The following PAH variants were observed in gnomAD, a reference collection of about 807,000 sequenced individuals.
The protein encoded by PAH is phenylalanine-4-hydroxylase.
A neutral mutation model predicts 62.0 loss-of-function variants in PAH; 64 were observed. The observed-to-expected ratio is 1.03, with a 90% CI of 0.84 to 1.27. The LOEUF (loss-of-function observed/expected upper bound fraction) is 1.27, where lower values mean the gene tolerates loss of function less well. Ranked by LOEUF, PAH falls within the 50% of genes most tolerant of loss-of-function variation. The pLI is 0.00. For missense variants in PAH, 579 were observed against 542.8 expected, an observed-to-expected ratio of 1.07 and a Z score of -0.66; for synonymous variants, 195 against 196.2, an observed-to-expected ratio of 0.99 and a Z score of 0.05.
chr12:102,913,127 C>T (rs2136728686), intron 1 of PAH, among the ~76,000 whole-genome samples: 1 of 152,288 alleles, frequency 6.6e-6, no homozygotes, highest in South Asian at 2.1e-4. Flanking sequence ...CTTAAGGAAT[C>T]TTCAATTATT....
In PAH at chr12:102,870,750, G is replaced by C. The variant is rs113676632; in HGVS notation, c.442-4087C>G. On this transcript the variant is annotated intron_variant, in intron 4 of 12. Transcript: ENST00000553106. ...GAAGGATGGAACACAGAAGACAAAA[G>C]GTTCAAACTGGCATTTATTAAGTAG... 9.7e-4 allele frequency among the ~76,000 whole-genome samples: 147 copies of C among 152,248 alleles called. 1 individual carries two copies. Among genetic ancestry groups the C allele is most frequent in the African/African-American group, 3.4e-3 (141 of 41,552 alleles).
intron 5 of PAH, among the ~76,000 whole-genome samples, chr12:102,855,921 G>A (rs1025168349): frequency 6.6e-6 from 1 of 151,396 alleles, no homozygotes; most frequent in Non-Finnish European, 1.5e-5. Flanking sequence ...AGTTATAAAG[G>A]TATTTAAATA....
chr12:102,845,461 A>G (rs1330791045), intron 9 of PAH, among the ~76,000 whole-genome samples: 2 of 152,194 alleles, frequency 1.3e-5, no homozygotes, highest in Non-Finnish European at 2.9e-5. Flanking sequence ...CATCCATGCT[A>G]AAACTTGGGG....
intron 1 of PAH, among the ~76,000 whole-genome samples, chr12:102,926,305 A>G (rs1440328441): frequency 4.6e-5 from 7 of 152,062 alleles, no homozygotes; most frequent in Non-Finnish European, 7.4e-5. Context: ...AAAGGCTCCA[A>G]ATGCAAAGAG....
At chr12:102,858,112 A>C (rs913613930) in intron 5 of PAH, among the ~76,000 whole-genome samples, 2 of 152,198 alleles carry the variant, frequency 1.3e-5, no homozygotes, top group African/African-American at 4.8e-5. Context: ...ATAGGCCCAA[A>C]ATAAAGGGAT....
chr12:102,927,428 A>G (rs1263963933), intron 1 of PAH, among the ~76,000 whole-genome samples: 1 of 151,972 alleles, frequency 6.6e-6, no homozygotes, highest in African/African-American at 2.4e-5. Context: ...CTCCTGGACT[A>G]AGAACTCTCA....
intron 3 of PAH, among the ~76,000 whole-genome samples, chr12:102,888,271 G>A (rs992455977): frequency 7.9e-5 from 12 of 152,110 alleles, no homozygotes; most frequent in Admixed American, 4.6e-4. Context: ...CAACTTGGCC[G>A]AACAGCTACA....
At chr12:102,875,265 T>C (rs557093852) in intron 4 of PAH, among the ~76,000 whole-genome samples, 2 of 150,978 alleles carry the variant, frequency 1.3e-5, no homozygotes, top group South Asian at 4.2e-4. Context: ...TTCCAGAGAG[T>C]TTTAAAGCCA....
At chr12:102,925,130 A>G (rs1421530917) in intron 1 of PAH, among the ~76,000 whole-genome samples, 2 of 152,166 alleles carry the variant, frequency 1.3e-5, no homozygotes, top group South Asian at 4.1e-4. Flanking sequence ...AGCTGAGTGT[A>G]ACTACAGGTC....
chr12:102,870,490 A>G (rs913374205), intron 4 of PAH, among the ~76,000 whole-genome samples: 17 of 152,174 alleles, frequency 1.1e-4, no homozygotes, highest in Non-Finnish European at 4.4e-5. Flanking sequence ...TTCTGAGCAC[A>G]TTGTAGTTGC....
chr12:102,954,886 G>T (rs1459725495), upstream of PAH, among the ~76,000 whole-genome samples: 1 of 152,226 alleles, frequency 6.6e-6, no homozygotes, highest in Non-Finnish European at 1.5e-5. Context: ...AGAAAGTGGA[G>T]ATGACAGTGT....
chr12:102,855,908 G>A (rs1030264705), intron 5 of PAH, among the ~76,000 whole-genome samples: 1 of 151,574 alleles, frequency 6.6e-6, no homozygotes, highest in Non-Finnish European at 1.5e-5. Flanking sequence ...TCTGCTCCTG[G>A]GAAGTTATAA....
At chr12:102,916,366 C>T (rs757698660) in intron 1 of PAH, among the ~76,000 whole-genome samples, 1 of 152,164 alleles carries the variant, frequency 6.6e-6, no homozygotes, top group Non-Finnish European at 1.5e-5. Flanking sequence ...AGACTTCCTC[C>T]CATGGGTAAA....
intron 4 of PAH, among the ~76,000 whole-genome samples, chr12:102,867,207 C>T (rs1876019010): frequency 6.6e-6 from 1 of 152,134 alleles, no homozygotes; most frequent in African/African-American, 2.4e-5. Context: ...TATGATTATC[C>T]TGTTCTTTCC....
intron 1 of PAH, among the ~76,000 whole-genome samples, chr12:102,935,642 T>A (rs1441896248): frequency 1.3e-5 from 2 of 152,150 alleles, no homozygotes; most frequent in Non-Finnish European, 2.9e-5. Flanking sequence ...TATCTAGGAA[T>A]GTATCCATTT....
chr12:102,895,987 A>G (rs1034475880), intron 2 of PAH, among the ~76,000 whole-genome samples: 1 of 151,906 alleles, frequency 6.6e-6, no homozygotes, highest in Non-Finnish European at 1.5e-5. Flanking sequence ...CTTGGGATCC[A>G]CCAGTGAACA....
At chr12:102,860,100 C>T (rs1170242436) in intron 5 of PAH, among the ~76,000 whole-genome samples, 1 of 152,228 alleles carries the variant, frequency 6.6e-6, no homozygotes, top group Non-Finnish European at 1.5e-5. Flanking sequence ...AGCCCAAAAT[C>T]TCCTTAAGCT....
chr12:102,938,466 G>T (rs1879178980), intron 1 of PAH, among the ~76,000 whole-genome samples: 1 of 152,148 alleles, frequency 6.6e-6, no homozygotes, highest in South Asian at 2.1e-4. Flanking sequence ...GGAATGCCAG[G>T]CTCTCTTGCT....
chr12:102,889,145 C>T (rs1248200740), intron 3 of PAH, among the ~76,000 whole-genome samples: 1 of 152,104 alleles, frequency 6.6e-6, no homozygotes, highest in Non-Finnish European at 1.5e-5. Flanking sequence ...AATCTTGTCT[C>T]CTAAAAATTA....
Sources: allele counts gnomAD v4.1 joint callset (sites outside exome capture counted in the v4.1 genomes callset), GRCh38; gene constraint gnomAD v4.1.1; transcripts MANE v1.5; gene names NCBI Gene and HGNC (gene_info 2026-07-23, HGNC 2026-07-21).